Variants in CASK observed in about 807,000 individuals in gnomAD.
CASK encodes calcium/calmodulin dependent serine protein kinase.
Under a neutral mutation model 82.9 loss-of-function variants are expected in CASK, and 4 were observed. That is an observed-to-expected ratio of 0.05 (90% confidence interval 0.02 to 0.11). The LOEUF (loss-of-function observed/expected upper bound fraction) is 0.11, where lower values mean the gene tolerates loss of function less well. Ranked by LOEUF, CASK falls within the 10% of genes least tolerant of loss-of-function variation. The pLI is 1.00. For synonymous variants in CASK, 259 were observed against 253.5 expected, an observed-to-expected ratio of 1.02 and a Z score of -0.20; for missense variants, 358 against 720.9, an observed-to-expected ratio of 0.50 and a Z score of 5.76.
chrX:41,547,625 G>C (rs2065041094), intron 21 of CASK, among the ~76,000 whole-genome samples: 1 of 107,318 alleles, frequency 9.3e-6, no homozygotes, highest in Non-Finnish European at 1.9e-5. Flanking sequence ...TTCGTATATT[G>C]ATTTTTTTTT....
At chrX:41,698,504 C>T (rs780767244) in intron 5 of CASK, among the ~76,000 whole-genome samples, 76 of 110,968 alleles carry the variant, frequency 6.8e-4, no homozygotes, top group African/African-American at 2.1e-3. Flanking sequence ...GAAGAATGGA[C>T]GGATGAATAA....
chrX:41,735,698 G>A (rs948594192), intron 5 of CASK, among the ~76,000 whole-genome samples: 23 of 109,820 alleles, frequency 2.1e-4, no homozygotes, highest in Non-Finnish European at 4.0e-4. Flanking sequence ...GCTGTTCCTC[G>A]AGCAGGCTAC....
At chrX:41,825,182 C>T (rs1399954501) in intron 2 of CASK, among the ~76,000 whole-genome samples, 6 of 111,087 alleles carry the variant, frequency 5.4e-5, no homozygotes, top group African/African-American at 2.0e-4. Flanking sequence ...AAACATCTCA[C>T]GTACCCCATA....
intron 2 of CASK, among the ~76,000 whole-genome samples, chrX:41,837,094 T>C (rs781303574): frequency 7.1e-5 from 8 of 112,225 alleles, no homozygotes; most frequent in Non-Finnish European, 1.5e-4. Context: ...TAAATATTTG[T>C]GGGCTAATTA....
chrX:41,669,878 G>T (rs994034325), intron 6 of CASK, among the ~76,000 whole-genome samples: 1 of 111,533 alleles, frequency 9.0e-6, no homozygotes, highest in African/African-American at 3.3e-5. Flanking sequence ...CAGTTTATAT[G>T]AAGAATGGCC....
At position 41,875,589 on chromosome X, in the gene CASK, GGA is replaced by G. The variant is rs779804277; in HGVS notation, c.60-22364_60-22363del. On this transcript the variant is annotated intron_variant, in intron 1 of 26. Transcript: ENST00000378163. ...ATAAAGGTTGGGGGTGGGGATTGGT[GGA>G]GAGGACTGTAGGGGACTGCATTTTA... is the stretch of plus-strand genomic sequence containing the variant. Among the ~76,000 whole-genome samples, 35 of 111,034 alleles carry G rather than the reference GGA, an allele frequency of 3.2e-4. 1 individual carries two copies. The highest frequency in any genetic ancestry group is 1.1e-3 in the African/African-American group (33 of 30,528).
chrX:41,558,505 G>A (rs993157947), intron 18 of CASK: 4 of 111,178 alleles, frequency 3.6e-5, no homozygotes, highest in Non-Finnish European at 7.5e-5. Context: ...CAACAGATGA[G>A]AAATGATATA....
intron 5 of CASK, chrX:41,697,772 T>A (rs775909611): frequency 4.4e-4 from 49 of 111,675 alleles, no homozygotes; most frequent in Middle Eastern, 4.7e-3. Flanking sequence ...AAATCATTTA[T>A]GTAAAATATA....
At chrX:41,878,801 G>GT (rs748229308) in intron 1 of CASK, among the ~76,000 whole-genome samples, 13 of 110,809 alleles carry the variant, frequency 1.2e-4, no homozygotes, top group Non-Finnish European at 2.5e-4. Flanking sequence ...TGGGTTCAGT[G>GT]TATCTTAAAA....
chrX:41,609,361 C>T (rs2066008107), intron 12 of CASK, among the ~76,000 whole-genome samples: 1 of 111,470 alleles, frequency 9.0e-6, no homozygotes, highest in Admixed American at 9.5e-5. Flanking sequence ...GTGATCCACC[C>T]GCCTTGGCCT....
intron 14 of CASK, among the ~76,000 whole-genome samples, chrX:41,581,381 T>TAAAA (rs1328155723): frequency 9.8e-6 from 1 of 102,452 alleles, no homozygotes; most frequent in East Asian, 3.0e-4. Context: ...CCCCGTCTCT[T>TAAAA]AAAAAAAAAA....
At chrX:41,896,627 C>T (rs1322120852) in intron 1 of CASK, among the ~76,000 whole-genome samples, 1 of 111,638 alleles carries the variant, frequency 9.0e-6, no homozygotes, top group African/African-American at 3.3e-5. Flanking sequence ...CAGTTCATTG[C>T]TAGTGCATAC....
Position 41,520,675 on chromosome X carries a change from C to A in CASK, c.2605-79G>T, listed in dbSNP as rs769381672. 9 of 876,262 alleles carry A rather than the reference C, an allele frequency of 1.0e-5. No homozygotes were observed. The African/African-American group carries it at 1.4e-4, about 13-fold the overall frequency. The allele number at this position is 876,262 out of a possible 1,213,427, so 72.2% of individuals were successfully genotyped here. Reference sequence around the variant, plus strand: ...ACAGAAGAGAGAAATCAGTTGGATTCGTTCTCTTTTCACATTTTTGTTCAT... The same window carrying A: ...ACAGAAGAGAGAAATCAGTTGGATTAGTTCTCTTTTCACATTTTTGTTCAT... On this transcript the variant is annotated intron_variant, in intron 26 of 26. Transcript: ENST00000378163.
At chrX:41,869,580 A>C (rs999724667) in intron 1 of CASK, among the ~76,000 whole-genome samples, 1 of 110,145 alleles carries the variant, frequency 9.1e-6, no homozygotes, top group Middle Eastern at 4.7e-3. Context: ...TGGGAGGCCA[A>C]GGTAGGTTGA....
intron 4 of CASK, among the ~76,000 whole-genome samples, chrX:41,742,840 T>A (rs2068617650): frequency 8.9e-6 from 1 of 111,939 alleles, no homozygotes; most frequent in African/African-American, 3.3e-5. Flanking sequence ...TACTTTTTTT[T>A]ATTGTTCAGA....
At chrX:41,833,870 T>C (rs1405950003) in intron 2 of CASK, among the ~76,000 whole-genome samples, 2 of 111,404 alleles carry the variant, frequency 1.8e-5, no homozygotes, top group Non-Finnish European at 3.8e-5. Flanking sequence ...CACCTCAGCC[T>C]CCCAGGTAGT....
chrX:41,727,984 C>T (rs1359468274), intron 5 of CASK: 1 of 1,146,863 alleles, frequency 8.7e-7, no homozygotes, highest in East Asian at 3.0e-5. Flanking sequence ...CAAGAAGACA[C>T]TATATAATCT....
At chrX:41,631,619 C>T (rs2147350832) in intron 9 of CASK, among the ~76,000 whole-genome samples, 1 of 110,018 alleles carries the variant, frequency 9.1e-6, no homozygotes, top group South Asian at 3.9e-4. Context: ...CAAACATGTG[C>T]CACCATGCCC....
intron 1 of CASK, among the ~76,000 whole-genome samples, chrX:41,856,315 T>C (rs529215480): frequency 9.0e-6 from 1 of 111,300 alleles, no homozygotes; most frequent in Middle Eastern, 4.6e-3. Flanking sequence ...ATAATTAAAT[T>C]TGGAATCCAA....
Sources: allele counts gnomAD v4.1 joint callset (sites outside exome capture counted in the v4.1 genomes callset), GRCh38; gene constraint gnomAD v4.1.1; transcripts MANE v1.5; gene names NCBI Gene and HGNC (gene_info 2026-07-23, HGNC 2026-07-21).